TMEM40: variants seen among roughly 807,000 people sequenced by gnomAD.
TMEM40 encodes the protein transmembrane protein 40.
In TMEM40, 34 loss-of-function variants were observed where a neutral mutation model predicts 40.8. The observed-to-expected ratio is 0.83, with a 90% CI of 0.63 to 1.11. The LOEUF (loss-of-function observed/expected upper bound fraction) is 1.11. Ranked by LOEUF, TMEM40 falls within the 50% of genes least tolerant of loss-of-function variation. The pLI is 0.00. For synonymous variants in TMEM40, 106 were observed against 107.0 expected, an observed-to-expected ratio of 0.99 and a Z score of 0.06; for missense variants, 296 against 280.2, an observed-to-expected ratio of 1.06 and a Z score of -0.40.
chr3:12,743,936 G>A lies in TMEM40; in HGVS notation c.265C>T (p.Leu89=). The change falls in exon 4 of 12, where the codon CTG becomes TTG. Residue 89 remains leucine (L), a synonymous_variant. Transcript: ENST00000314124. ...PRATGKHRRS[L]GAGYPHGNGS... ...TTCCCGTGGGGGTATCCAGCCCCCA[G>A]GCTCCGTCGATGTTTTCCGGTTGCT... 5 of 1,613,546 alleles carry A rather than the reference G, an allele frequency of 3.1e-6. No homozygotes were observed. The highest frequency in any genetic ancestry group is 1.6e-4 in the Middle Eastern group (1 of 6,062).
At chr3:12,742,303 C>T in intron 5 of TMEM40, 151 bp downstream of exon 5, 1 of 785,624 alleles carries the variant, frequency 1.3e-6, no homozygotes, top group Non-Finnish European at 2.1e-6. Flanking sequence ...CCCCACCTGC[C>T]AATGTTATAA....
intron 1 of TMEM40, among the ~76,000 whole-genome samples, chr3:12,754,661 C>T (rs1337975006): frequency 6.6e-6 from 1 of 152,204 alleles, no homozygotes; most frequent in Non-Finnish European, 1.5e-5. Context: ...CTCCTGGGTC[C>T]TGCATAGAAT....
chr3:12,741,719 G>A (rs534357341), intron 5 of TMEM40, among the ~76,000 whole-genome samples: 9 of 149,374 alleles, frequency 6.0e-5, no homozygotes, highest in African/African-American at 2.2e-4. Context: ...TAAATTACTT[G>A]AGTAATTAAA....
chr3:12,753,291 T>C (rs778480121), intron 1 of TMEM40, among the ~76,000 whole-genome samples: 1 of 144,224 alleles, frequency 6.9e-6, no homozygotes, highest in African/African-American at 2.6e-5. Flanking sequence ...CGATCACGGC[T>C]CTGCAGCTTC....
chr3:12,742,907 A>T (rs994892054), intron 4 of TMEM40, among the ~76,000 whole-genome samples: 4 of 152,158 alleles, frequency 2.6e-5, no homozygotes, highest in African/African-American at 4.8e-5. Flanking sequence ...CTGAGGCTCA[A>T]ATAGTTAAAT....
intron 1 of TMEM40, among the ~76,000 whole-genome samples, chr3:12,754,626 T>C (rs1049341528): frequency 6.6e-6 from 1 of 152,156 alleles, no homozygotes; most frequent in South Asian, 2.1e-4. Flanking sequence ...CATTCCACCA[T>C]CCCCAATCCT....
At chr3:12,755,364 C>T (rs1384153997) in intron 1 of TMEM40, among the ~76,000 whole-genome samples, 1 of 151,434 alleles carries the variant, frequency 6.6e-6, no homozygotes, top group African/African-American at 2.4e-5. Flanking sequence ...CAGCCTTGAA[C>T]TGTTGACCTT....
intron 2 of TMEM40, 29 bp downstream of exon 2, chr3:12,749,731 G>A: frequency 6.2e-7 from 1 of 1,607,670 alleles, no homozygotes; most frequent in South Asian, 1.1e-5. Context: ...ATGTGGTTTT[G>A]CCCAGAGGGT....
At position 12,744,092 on chromosome 3, in the gene TMEM40, T is replaced by C. The variant is rs1031332092; in HGVS notation, c.212-103A>G. The C allele has an allele frequency of 2.0e-5, 24 of 1,199,278 alleles. No individual in the cohort carries two copies. In the African/African-American group the frequency reaches 3.5e-4, roughly 17 times the overall value. 74.3% of individuals were successfully genotyped at this position (1,199,278 alleles called of 1,614,324 possible). A position where few individuals can be genotyped will look rare whatever the true frequency, so the allele number is the denominator to read the frequency against. On this transcript the variant is annotated intron_variant, in intron 3 of 11. Coordinates refer to ENST00000314124, the MANE Select transcript of TMEM40 (RefSeq NM_018306.4). ...CTCAGAATTTAGTTTATGAGAAGAG[T>C]GTGGTTTGGTGGGAGGAACTCTGAT... is the stretch of plus-strand genomic sequence containing the variant.
At chr3:12,748,338 A>C (rs566519746) in intron 3 of TMEM40, among the ~76,000 whole-genome samples, 22 of 152,208 alleles carry the variant, frequency 1.4e-4, no homozygotes, top group Non-Finnish European at 2.8e-4. Context: ...ATAAACCTAA[A>C]TGTTACTTTA....
At chr3:12,742,919 A>G (rs778955073) in intron 4 of TMEM40, among the ~76,000 whole-genome samples, 2 of 152,104 alleles carry the variant, frequency 1.3e-5, no homozygotes, top group Non-Finnish European at 2.9e-5. Context: ...TAGTTAAATT[A>G]TTTTCCCAAA....
intron 4 of TMEM40, 74 bp from the exon 5 acceptor site, chr3:12,742,581 T>C: frequency 1.9e-6 from 3 of 1,555,432 alleles, no homozygotes; most frequent in South Asian, 1.1e-5. Flanking sequence ...TCCCATGGCT[T>C]CGACGCTTAA....
In TMEM40 at chr3:12,748,648, G is replaced by T; in HGVS notation, c.211+7C>A. The T allele has an allele frequency of 6.2e-7, 1 of 1,609,858 alleles. No individual in the cohort carries two copies. The highest frequency in any genetic ancestry group is 8.5e-7 in the Non-Finnish European group (1 of 1,178,336). On this transcript the variant is annotated splice_region_variant and intron_variant, in intron 3 of 11. Transcript: ENST00000314124. ...ATAATATACATATATTTAAATCTCTGCTATACCTGAGGAGGAGGAGGATGA... is the reference window on the plus strand; with the variant it reads ...ATAATATACATATATTTAAATCTCTTCTATACCTGAGGAGGAGGAGGATGA...
chr3:12,750,853 C>T (rs1452744863), intron 1 of TMEM40, among the ~76,000 whole-genome samples: 2 of 152,218 alleles, frequency 1.3e-5, no homozygotes, highest in Non-Finnish European at 2.9e-5. Context: ...GCCAGTAGCA[C>T]TTTCCTGTTC....
intron 1 of TMEM40, among the ~76,000 whole-genome samples, chr3:12,758,603 T>C (rs1288401965): frequency 6.6e-6 from 1 of 152,162 alleles, no homozygotes; most frequent in Non-Finnish European, 1.5e-5. Context: ...CCCAGCTCTC[T>C]GGCATATCCT....
chr3:12,736,441 C>A, intron 10 of TMEM40, 137 bp downstream of exon 10: 1 of 1,066,404 alleles, frequency 9.4e-7, no homozygotes, highest in Non-Finnish European at 1.4e-6. Context: ...TAAGCCACCG[C>A]GCCTGGCCAG....
chr3:12,737,912 T>C (rs2061349698), intron 7 of TMEM40, 158 bp from the exon 8 acceptor site: 2 of 910,020 alleles, frequency 2.2e-6, no homozygotes, highest in South Asian at 1.4e-5. Flanking sequence ...ATGGGGGTAC[T>C]GTCCTTGGAA....
intron 1 of TMEM40, among the ~76,000 whole-genome samples, chr3:12,752,446 C>T (rs1421251440): frequency 6.6e-6 from 1 of 152,150 alleles, no homozygotes; most frequent in East Asian, 1.9e-4. Context: ...TATGAAGGCT[C>T]ACTAGGGCCG....
chr3:12,757,434 A>T (rs914856519), intron 1 of TMEM40, among the ~76,000 whole-genome samples: 4 of 149,040 alleles, frequency 2.7e-5, no homozygotes, highest in Non-Finnish European at 4.4e-5. Context: ...GCACCATTGC[A>T]CTCCAGCCTG....
Sources: gnomAD v4.1 joint callset for allele counts (sites outside exome capture counted in the v4.1 genomes callset) on GRCh38, gnomAD v4.1.1 for gene constraint, MANE v1.5 for transcripts, NCBI Gene and HGNC (gene_info 2026-07-23, HGNC 2026-07-21) for gene names.